The following NCOR2 variants were observed in gnomAD, a reference collection of about 807,000 sequenced individuals.
The protein encoded by NCOR2 is CTG repeat protein 26.
NCOR2 carries 81 observed loss-of-function variants against 262.9 expected under a neutral mutation model. The ratio of observed to expected loss-of-function variants is 0.31; its 90% CI spans 0.26 to 0.37. The LOEUF (loss-of-function observed/expected upper bound fraction) is 0.37, where lower values mean the gene tolerates loss of function less well. Ranked by LOEUF, NCOR2 falls within the 10% of genes least tolerant of loss-of-function variation. The pLI is 1.00. For synonymous variants in NCOR2, 1,659 were observed against 1,559.3 expected, an observed-to-expected ratio of 1.06 and a Z score of -1.51; for missense variants, 3,385 against 3,621.4, an observed-to-expected ratio of 0.93 and a Z score of 1.68.
intron 1 of NCOR2, among the ~76,000 whole-genome samples, chr12:124,506,397 G>A (rs553516468): frequency 9.9e-5 from 15 of 152,086 alleles, no homozygotes; most frequent in Non-Finnish European, 1.9e-4. Context: ...TAATTGGAGC[G>A]TTCCTGTCCG....
At position 124,372,807 on chromosome 12, in the gene NCOR2, G is replaced by A. The variant is rs556006782; in HGVS notation, c.2219-197C>T. Among the ~76,000 whole-genome samples the A allele has an allele frequency of 1.1e-3, 161 of 152,266 alleles. 1 individual carries two copies. Among genetic ancestry groups the A allele is most frequent in the African/African-American group, 3.8e-3 (156 of 41,558 alleles). On this transcript the variant is annotated intron_variant, in intron 19 of 46. Transcript: ENST00000405201. ...CCTGACCAGGCCCCTACCCACAGCT[G>A]CTGCCCTCGCCTGGCCGCCTTTCTC...
intron 27 of NCOR2, among the ~76,000 whole-genome samples, chr12:124,351,724 C>T (rs1280696278): frequency 7.1e-6 from 1 of 141,198 alleles, no homozygotes; most frequent in South Asian, 2.4e-4. Context: ...TGCCGTGGGA[C>T]CTCCTTTCTG....
chr12:124,413,676 G>A (rs767764608), intron 13 of NCOR2, among the ~76,000 whole-genome samples: 4 of 152,194 alleles, frequency 2.6e-5, no homozygotes, highest in Non-Finnish European at 5.9e-5. Context: ...CCAGGAGAGA[G>A]GGGCTGTGCA....
At chr12:124,472,257 T>A (rs11057630) in intron 4 of NCOR2, among the ~76,000 whole-genome samples, 19,531 of 152,278 alleles carry the variant, frequency 0.13, 1,341 homozygotes, top group South Asian at 0.2. Flanking sequence ...AACAAAGTTA[T>A]AAAATGAATG....
chr12:124,421,102 C>T (rs940953583), intron 12 of NCOR2, among the ~76,000 whole-genome samples: 8 of 152,276 alleles, frequency 5.3e-5, no homozygotes, highest in Admixed American at 2.0e-4. Context: ...AGCCCGGCTC[C>T]GGACAGCAGC....
chr12:124,360,268 C>A (rs934947254), intron 22 of NCOR2, among the ~76,000 whole-genome samples: 1 of 152,246 alleles, frequency 6.6e-6, no homozygotes, highest in African/African-American at 2.4e-5. Flanking sequence ...CCCAGGTAGC[C>A]CAGCCCTGGT....
At position 124,346,853 on chromosome 12, in the gene NCOR2, G is replaced by A; in HGVS notation, c.4073-3C>T. The A allele has an allele frequency of 6.4e-7, 1 of 1,564,274 alleles. No homozygotes were observed. Among genetic ancestry groups the A allele is most frequent in the Admixed American group, 1.8e-5 (1 of 54,124 alleles). On this transcript the variant is annotated splice_region_variant and splice_polypyrimidine_tract_variant and intron_variant, in intron 30 of 46. Coordinates refer to ENST00000405201, the Ensembl canonical transcript of NCOR2. ...CTCCACGTAGGACCGAGGGATCCCT[G>A]CCGGGCCGACAGCACTGACCCTCAC...
intron 40 of NCOR2, 152 bp downstream of exon 42, chr12:124,334,983 C>T: frequency 8.4e-7 from 1 of 1,187,412 alleles, no homozygotes; most frequent in Non-Finnish European, 1.2e-6. Context: ...GGATCTCACC[C>T]TCACCCACGC....
At chr12:124,453,487 G>A (rs1248026994) in intron 6 of NCOR2, among the ~76,000 whole-genome samples, 2 of 152,238 alleles carry the variant, frequency 1.3e-5, no homozygotes, top group Non-Finnish European at 2.9e-5. Flanking sequence ...AGAGGGCAAA[G>A]GGGAGCAGGT....
chr12:124,327,475 T>G, exon 45 of NCOR2: 1 of 1,613,508 alleles, frequency 6.2e-7, no homozygotes, highest in Non-Finnish European at 8.5e-7. Flanking sequence ...GCGGGCAGGC[T>G]GGCACTGGCA....
At chr12:124,484,829 G>C (rs936419316) in intron 2 of NCOR2, among the ~76,000 whole-genome samples, 5 of 152,268 alleles carry the variant, frequency 3.3e-5, no homozygotes, top group Admixed American at 3.3e-4. Context: ...ATGAATGAAC[G>C]CAGGGTGGTT....
intron 1 of NCOR2, among the ~76,000 whole-genome samples, chr12:124,487,487 C>T (rs75913220): frequency 0.042 from 6,339 of 152,358 alleles, 258 homozygotes; most frequent in African/African-American, 0.1. Flanking sequence ...CCTCTCTCTA[C>T]GGGGCCTCGG....
In NCOR2 at chr12:124,440,750, C is replaced by G. The variant is rs1164193356; in HGVS notation, c.816-2754G>C. Among the ~76,000 whole-genome samples the G allele has an allele frequency of 6.6e-6, 1 of 152,118 alleles. No individual in the cohort carries two copies. The highest frequency in any genetic ancestry group is 1.5e-5 in the Non-Finnish European group (1 of 68,010). Reference sequence around the variant, plus strand: ...AAATGGAATGGTGGGCTAGTGGGTGCTGGGGGACGGGGTGTGAGGGGCTAT... The same window carrying G: ...AAATGGAATGGTGGGCTAGTGGGTGGTGGGGGACGGGGTGTGAGGGGCTAT... On this transcript the variant is annotated intron_variant, in intron 7 of 46. Coordinates refer to ENST00000405201, the Ensembl canonical transcript of NCOR2. The surrounding 1 kb of genome is among the most constrained non-coding windows in gnomAD (Gnocchi z 5.7).
At chr12:124,330,474 G>A (rs575751887) in intron 44 of NCOR2, among the ~76,000 whole-genome samples, 14 of 152,366 alleles carry the variant, frequency 9.2e-5, no homozygotes, top group African/African-American at 2.2e-4. Context: ...ACAAACGCCC[G>A]AGTGAACTCG....
chr12:124,336,770 A>T (rs550851892), exon 38 of NCOR2: 1 of 1,613,252 alleles, frequency 6.2e-7, no homozygotes, highest in African/African-American at 1.3e-5. Context: ...ACGGAGTTCC[A>T]GTTCCTGGAT....
chr12:124,433,633 G>T (rs1353692717), intron 8 of NCOR2, among the ~76,000 whole-genome samples: 1 of 152,136 alleles, frequency 6.6e-6, no homozygotes, highest in East Asian at 1.9e-4. Context: ...CCCCCTCTGG[G>T]TCTAACCACA....
intron 1 of NCOR2, among the ~76,000 whole-genome samples, chr12:124,545,429 C>T (rs2051510164): frequency 6.6e-6 from 1 of 152,248 alleles, no homozygotes; most frequent in Non-Finnish European, 1.5e-5. Context: ...GGGTCCGAGG[C>T]ACAGGTTTCC....
chr12:124,527,658 T>C (rs1221530187), intron 1 of NCOR2, among the ~76,000 whole-genome samples: 1 of 152,160 alleles, frequency 6.6e-6, no homozygotes, highest in Non-Finnish European at 1.5e-5. Context: ...CCTCAGATGA[T>C]CCGCCTGCCT....
At chr12:124,342,961 T>C (rs2036583857) in intron 33 of NCOR2, 44 bp downstream of exon 35, 2 of 1,599,068 alleles carry the variant, frequency 1.3e-6, no homozygotes, top group Admixed American at 1.7e-5. Context: ...TCCGTGGCCC[T>C]GTTCAGCACC....
Sources: allele counts gnomAD v4.1 joint callset (sites outside exome capture counted in the v4.1 genomes callset), GRCh38; gene constraint gnomAD v4.1.1; non-coding constraint Gnocchi (gnomAD v3.1); transcripts MANE v1.5; gene names NCBI Gene and HGNC (gene_info 2026-07-23, HGNC 2026-07-21).